Variants in CDC42 observed in about 807,000 individuals in gnomAD.
CDC42 encodes cell division control protein 42 homolog.
Under a neutral mutation model 20.8 loss-of-function variants are expected in CDC42, and 1 was observed. The observed-to-expected ratio is 0.05, with a 90% CI of 0.02 to 0.23. CDC42 has a LOEUF of 0.23. CDC42 is among the 10% of genes least tolerant of loss of function. The probability of loss-of-function intolerance (pLI) is 1.00; values close to 1 mark genes in which losing one functional copy is unlikely to be tolerated. For synonymous variants in CDC42, 72 were observed against 84.8 expected (o/e 0.85, Z 0.83); for missense variants, 49 against 227.9 (o/e 0.21, Z 5.05).
chr1:22,084,348 T>TTTG (rs1645639241), intron 3 of CDC42, among the ~76,000 whole-genome samples: 1 of 149,176 alleles, frequency 6.7e-6, no homozygotes. Flanking sequence ...TTTTTTTTTT[T>TTTG]TTTTTTTTTT....
At chr1:22,069,926 C>T (rs1645466897) in intron 1 of CDC42, among the ~76,000 whole-genome samples, 1 of 151,796 alleles carries the variant, frequency 6.6e-6, no homozygotes, top group African/African-American at 2.4e-5. Flanking sequence ...TAGCTGGGAC[C>T]ACAGGCGCAT....
rs1481124311 is a variant in CDC42, at chr1:22,081,757, T to G, written c.141T>G (p.Gly47=). ...FDNYAVTVMI[G]GEPYTLGLFD... ...ACTATGCAGTCACAGTTATGATTGG[T>G]GGAGAACCATATACTCTTGGACTTT... Residue 47 remains glycine (G), a synonymous_variant, in exon 3 of 6, where the codon GGT becomes GGG. Transcript: ENST00000656825. The G allele has an allele frequency of 6.2e-7, 1 of 1,612,738 alleles. No homozygotes were observed. The highest frequency in any genetic ancestry group is 1.7e-5 in the Admixed American group (1 of 60,006).
rs1339019936 is a variant in CDC42, at chr1:22,094,248, A to G, written c.*2731A>G. ...TTATAGTATTTAATACGATGTTAAT[A>G]TATTATTGCTATTTATAAGTGTTTT... On this transcript the variant is annotated 3_prime_UTR_variant, in exon 6 of 6. Transcript: ENST00000656825. Among the ~76,000 whole-genome samples the G allele has an allele frequency of 6.9e-6, 1 of 144,484 alleles. No homozygotes were observed. Among genetic ancestry groups the G allele is most frequent in the Non-Finnish European group, 1.5e-5 (1 of 66,552 alleles). The allele number at this position is 144,484 out of a possible 152,430, so 94.8% of individuals were successfully genotyped here.
At chr1:22,079,907 T>TA (rs1391888073) in intron 2 of CDC42, among the ~76,000 whole-genome samples, 4 of 152,150 alleles carry the variant, frequency 2.6e-5, no homozygotes, top group Non-Finnish European at 2.9e-5. Flanking sequence ...GGAAAAGTGA[T>TA]AGAGTGGAAG....
In CDC42 at chr1:22,086,885, C is replaced by A; in HGVS notation, c.486+19C>A. The A allele has an allele frequency of 6.3e-7, 1 of 1,598,778 alleles. No individual in the cohort carries two copies. The highest frequency in any genetic ancestry group is 1.1e-5 in the South Asian group (1 of 90,626). On this transcript the variant is annotated intron_variant, in intron 5 of 5. Transcript: ENST00000656825. ...TACACAGGTAAGAATGGCATGAAACCCCATGTGTATTTATGGTCGAGTCAT... is the reference window on the plus strand; with the variant it reads ...TACACAGGTAAGAATGGCATGAAACACCATGTGTATTTATGGTCGAGTCAT...
chr1:22,063,381 T>TA (rs1645387178), intron 1 of CDC42, among the ~76,000 whole-genome samples: 1 of 152,146 alleles, frequency 6.6e-6, no homozygotes, highest in Non-Finnish European at 1.5e-5. Context: ...TTTAGTAAAT[T>TA]ATTGAAATGT....
chr1:22,093,963 CAG>C lies in CDC42; in HGVS notation c.*2448_*2449del, dbSNP rs1471962159. ...TTGTGTCAACGAATTATCCGTGTAT[CAG>C]AAGAACAAGGATGATGGGGATTGAT... is the stretch of plus-strand genomic sequence containing the variant. On this transcript the variant is annotated 3_prime_UTR_variant, in exon 6 of 6. Transcript: ENST00000656825. Among the ~76,000 whole-genome samples the C allele has an allele frequency of 6.6e-6, 1 of 152,130 alleles. No homozygotes were observed. The highest frequency in any genetic ancestry group is 2.4e-5 in the African/African-American group (1 of 41,392).
rs1645767032 is a variant in CDC42, at chr1:22,097,758, T to C, written c.*6241T>C. ...AGTGAGTCTTTAAAGCCCTACGTTA[T>C]AGAAAAATGTGAAGTATGTCTAATA... On this transcript the variant is annotated 3_prime_UTR_variant, in exon 6 of 6. Transcript: ENST00000656825. Among the ~76,000 whole-genome samples, 1 of 152,222 alleles carries C rather than the reference T, an allele frequency of 6.6e-6. No individual in the cohort carries two copies. Among genetic ancestry groups the C allele is most frequent in the Non-Finnish European group, 1.5e-5 (1 of 68,030 alleles).
chr1:22,065,674 C>G (rs1185131350), intron 1 of CDC42, among the ~76,000 whole-genome samples: 1 of 148,008 alleles, frequency 6.8e-6, no homozygotes, highest in Non-Finnish European at 1.5e-5. Flanking sequence ...AAAGTTAAGG[C>G]ATAGAAGTGA....
intron 1 of CDC42, among the ~76,000 whole-genome samples, chr1:22,057,936 A>G (rs1484363350): frequency 6.6e-6 from 1 of 152,100 alleles, no homozygotes; most frequent in Non-Finnish European, 1.5e-5. Flanking sequence ...CATGTTGGTC[A>G]GGCTGGTCTG....
intron 1 of CDC42, among the ~76,000 whole-genome samples, chr1:22,053,765 A>G (rs1434660143): frequency 1.3e-5 from 2 of 152,188 alleles, no homozygotes; most frequent in South Asian, 2.1e-4. Flanking sequence ...TCGTATTCAC[A>G]GATGATGTTT....
rs1645735156 is a variant in CDC42 at position 22,093,478 on chromosome 1, C to T, written c.*1961C>T. Among the ~76,000 whole-genome samples, 1 of 152,106 alleles carries T rather than the reference C, an allele frequency of 6.6e-6. No individual in the cohort carries two copies. Among genetic ancestry groups the T allele is most frequent in the South Asian group, 2.1e-4 (1 of 4,820 alleles). On this transcript the variant is annotated 3_prime_UTR_variant, in exon 6 of 6. Transcript: ENST00000656825. The stretch of plus-strand genomic sequence containing the variant: ...TATGGGATACATTTTCTTTAGGTAG[C>T]AAGAAAGGTTTATTTACCTTTAGGA...
In CDC42 at chr1:22,054,919, ATATTTTTTTTTTTTTTTTTTTTTTTTTT is replaced by A. The variant is rs1645285469; in HGVS notation, c.-51+2179_-51+2206del. 5.4e-4 allele frequency among the ~76,000 whole-genome samples: 5 copies of A among 9,330 alleles called. No individual in the cohort carries two copies. The East Asian group carries it at 0.02, about 37-fold the overall frequency. 6.1% of individuals were successfully genotyped at this position (9,330 alleles called of 152,430 possible). Reference sequence around the variant, plus strand: ...TATATATATATATATATATATATATATATTTTTTTTTTTTTTTTTTTTTTTTTTTTTTTTTTTTTTTTTTTTTTTTTTG... The same window carrying A: ...TATATATATATATATATATATATATATTTTTTTTTTTTTTTTTTTTTTTTG... On this transcript the variant is annotated intron_variant, in intron 1 of 5. Coordinates refer to ENST00000656825, the MANE Select transcript of CDC42 (RefSeq NM_001791.4).
intron 1 of CDC42, among the ~76,000 whole-genome samples, chr1:22,064,691 C>CT (rs35054876): frequency 0.94 from 137,055 of 146,228 alleles, 64,256 homozygotes; most frequent in East Asian, 0.99. Context: ...AGAGAAGATT[C>CT]TTTTTTTTTT....
At chr1:22,078,390 G>C in intron 1 of CDC42, 39 bp from the exon 2 acceptor site, 1 of 980,870 alleles carries the variant, frequency 1.0e-6, no homozygotes, top group Non-Finnish European at 1.5e-6. Flanking sequence ...AAATCCATAT[G>C]TAAGTATAAA....
rs1039398411 is a variant in CDC42 at position 22,094,576 on chromosome 1, C to T, written c.*3059C>T. 6.7e-6 allele frequency among the ~76,000 whole-genome samples: 1 copy of T among 148,552 alleles called. No individual in the cohort carries two copies. The highest frequency in any genetic ancestry group is 2.6e-5 in the African/African-American group (1 of 38,200). ...CCTCCCAAAGTGCTGGGATTACAGG[C>T]GTGAGCCACCGCGCCCGGCCAGAAA... On this transcript the variant is annotated 3_prime_UTR_variant, in exon 6 of 6. Transcript: ENST00000656825.
intron 5 of CDC42, chr1:22,090,092 T>C: frequency 6.3e-7 from 1 of 1,583,824 alleles, no homozygotes; most frequent in Non-Finnish European, 8.6e-7. Flanking sequence ...AGAAAGATCG[T>C]TTAAAAACAA....
chr1:22,060,634 G>A (rs946169392), intron 1 of CDC42, among the ~76,000 whole-genome samples: 1 of 151,992 alleles, frequency 6.6e-6, no homozygotes, highest in Non-Finnish European at 1.5e-5. Flanking sequence ...GAAGAGGAGT[G>A]GGAAGTGAAA....
At chr1:22,069,307 C>G (rs1221120992) in intron 1 of CDC42, among the ~76,000 whole-genome samples, 1 of 150,822 alleles carries the variant, frequency 6.6e-6, no homozygotes, top group Non-Finnish European at 1.5e-5. Flanking sequence ...TCCCAAATAG[C>G]TGGGACTACA....
Sources: gnomAD v4.1 joint callset for allele counts (sites outside exome capture counted in the v4.1 genomes callset) on GRCh38, gnomAD v4.1.1 for gene constraint, MANE v1.5 for transcripts, NCBI Gene and HGNC (gene_info 2026-07-23, HGNC 2026-07-21) for gene names.